Variants in PPP2R3B observed in about 807,000 individuals in gnomAD.
The protein encoded by PPP2R3B is protein phosphatase 2 regulatory subunit B''beta, also known as serine/threonine-protein phosphatase 2A regulatory subunit B'' subunit beta.
PPP2R3B carries 68 observed loss-of-function variants against 72.9 expected under a neutral mutation model. The observed-to-expected ratio is 0.93, with a 90% confidence interval of 0.77 to 1.14. The LOEUF (loss-of-function observed/expected upper bound fraction) is 1.14. Ranked by LOEUF, PPP2R3B falls within the 50% of genes most tolerant of loss-of-function variation. The pLI is 0.00. For missense variants in PPP2R3B, 1,018 were observed against 842.0 expected (o/e 1.21, Z -2.59); for synonymous variants, 466 against 375.8 (o/e 1.24, Z -2.78).
At chrX:350,225 C>T (rs2071300233) in intron 2 of PPP2R3B, among the ~76,000 whole-genome samples, 1 of 152,224 alleles carries the variant, frequency 6.6e-6, no homozygotes, top group South Asian at 2.1e-4. Flanking sequence ...GGCAAAGACA[C>T]TTCACACAAA....
At chrX:360,917 C>T (rs1346417751) in intron 2 of PPP2R3B, among the ~76,000 whole-genome samples, 5 of 152,186 alleles carry the variant, frequency 3.3e-5, no homozygotes, top group Admixed American at 1.3e-4. Flanking sequence ...TGATGCACGC[C>T]GCGCCGCAGC....
At chrX:384,404 C>T (rs1304668366) in intron 1 of PPP2R3B, among the ~76,000 whole-genome samples, 1 of 151,338 alleles carries the variant, frequency 6.6e-6, no homozygotes, top group African/African-American at 2.4e-5. Context: ...TCAAGCATTT[C>T]TCCTGCCTCA....
At chrX:359,768 A>G (rs1389039738) in intron 2 of PPP2R3B, 2 of 481,432 alleles carry the variant, frequency 4.2e-6, no homozygotes, top group East Asian at 1.1e-4. Context: ...TCATACACAT[A>G]TTTGTACATA....
intron 1 of PPP2R3B, among the ~76,000 whole-genome samples, chrX:382,183 C>T (rs2072141240): frequency 6.7e-6 from 1 of 148,274 alleles, no homozygotes; most frequent in Non-Finnish European, 1.5e-5. Flanking sequence ...CTGAACATCT[C>T]ATCTTTTTTT....
At chrX:370,687 G>A (rs957857867) in intron 1 of PPP2R3B, among the ~76,000 whole-genome samples, 2 of 152,178 alleles carry the variant, frequency 1.3e-5, no homozygotes, top group Non-Finnish European at 2.9e-5. Flanking sequence ...CCCTGCCACT[G>A]CCCAGGGAGT....
chrX:344,321 G>A (rs1245814425), intron 7 of PPP2R3B, among the ~76,000 whole-genome samples: 4 of 151,536 alleles, frequency 2.6e-5, no homozygotes, highest in South Asian at 2.1e-4. Context: ...AACGGGAGGC[G>A]GGAGGGAGAC....
chrX:384,787 C>T (rs1277583691), intron 1 of PPP2R3B, among the ~76,000 whole-genome samples: 1 of 151,736 alleles, frequency 6.6e-6, no homozygotes, highest in African/African-American at 2.4e-5. Context: ...GAGTTTGAGA[C>T]CAGTCTAGCC....
At chrX:345,276 G>A in intron 7 of PPP2R3B, 3 of 700,380 alleles carry the variant, frequency 4.3e-6, no homozygotes, top group South Asian at 1.5e-5. Flanking sequence ...GGCCCACACT[G>A]ACCCTGTAGA....
At chrX:344,234 GGAGGCCGGAGTGAGACCTCACCAAGGA>G (rs1217565351) in intron 7 of PPP2R3B, among the ~76,000 whole-genome samples, 5,441 of 111,118 alleles carry the variant, frequency 0.049, 837 homozygotes, top group South Asian at 0.071. Context: ...CTCACCAACG[GGAGGCCGGAGTGAGACCTCACCAAGGA>G]GAGGCGGGAG....
intron 3 of PPP2R3B, 74 bp from the exon 4 acceptor site, chrX:347,410 A>T: frequency 6.9e-7 from 1 of 1,440,254 alleles, no homozygotes. Flanking sequence ...AGGGTGGAAC[A>T]CGTGTGTGGT....
chrX:359,542 A>G (rs1265980812), intron 2 of PPP2R3B, among the ~76,000 whole-genome samples: 2 of 152,204 alleles, frequency 1.3e-5, no homozygotes, highest in African/African-American at 4.8e-5. Context: ...AAAGTTTCTA[A>G]TATTTCAACA....
At chrX:369,104 CAG>C (rs1291940282) in intron 1 of PPP2R3B, among the ~76,000 whole-genome samples, 1 of 152,224 alleles carries the variant, frequency 6.6e-6, no homozygotes, top group African/African-American at 2.4e-5. Context: ...CTGCAGGTCT[CAG>C]GGGGTTCTGA....
At chrX:351,012 G>A (rs988838868) in intron 2 of PPP2R3B, among the ~76,000 whole-genome samples, 3 of 151,856 alleles carry the variant, frequency 2.0e-5, no homozygotes, top group Non-Finnish European at 2.9e-5. Flanking sequence ...GAGTGACCAC[G>A]GGGGGGCGTG....
chrX:357,417 A>G (rs1391600014), intron 2 of PPP2R3B, among the ~76,000 whole-genome samples: 2 of 152,252 alleles, frequency 1.3e-5, no homozygotes, highest in African/African-American at 4.8e-5. Flanking sequence ...AAGTGTATGT[A>G]AAAAAGATGA....
At position 347,238 on chromosome X, in the gene PPP2R3B, A is replaced by G. The variant is rs770120455; in HGVS notation, c.713T>C (p.Leu238Ser). Residue 238 changes from leucine (L) to serine (S), a missense_variant, in exon 4 of 13, where the codon TTG becomes TCG. Coordinates refer to ENST00000390665, the MANE Select transcript of PPP2R3B (RefSeq NM_013239.5). Reference protein sequence around the residue: ...YLVQEDFVPFLQDVVNTHPGL... With the variant: ...YLVQEDFVPFSQDVVNTHPGL... ...GGTGTAGACGCAGGCTCTCACCTGCAAGAAGGGGACAAAGTCCTCCTGCAC... is the reference window on the plus strand; with the variant it reads ...GGTGTAGACGCAGGCTCTCACCTGCGAGAAGGGGACAAAGTCCTCCTGCAC... 1 of 1,613,444 alleles carries G rather than the reference A, an allele frequency of 6.2e-7. No homozygotes were observed. Among genetic ancestry groups the G allele is most frequent in the Non-Finnish European group, 8.5e-7 (1 of 1,179,684 alleles).
At chrX:339,274 G>GC (rs942453856) in intron 10 of PPP2R3B, among the ~76,000 whole-genome samples, 7 of 150,164 alleles carry the variant, frequency 4.7e-5, no homozygotes, top group South Asian at 2.1e-4. Flanking sequence ...CCCATGGCCG[G>GC]GGGGGGCAGG....
At chrX:381,160 C>T (rs965286517) in intron 1 of PPP2R3B, among the ~76,000 whole-genome samples, 55 of 152,046 alleles carry the variant, frequency 3.6e-4, no homozygotes, top group Non-Finnish European at 2.1e-4. Context: ...AACTCCTGGC[C>T]TCAAGGGATC....
chrX:343,768 GCAACGGGAGGGGGGGAGGGAGACCTCAC>G (rs1480694385), intron 7 of PPP2R3B, among the ~76,000 whole-genome samples: 1 of 24,928 alleles, frequency 4.0e-5, no homozygotes, highest in East Asian at 1.8e-3. Flanking sequence ...TGAGACCTCA[GCAACGGGAGGGGGGGAGGGAGACCTCAC>G]CAAGGAGACG....
intron 2 of PPP2R3B, among the ~76,000 whole-genome samples, chrX:352,538 C>T (rs752796444): frequency 2.4e-4 from 37 of 151,760 alleles, no homozygotes; most frequent in Admixed American, 2.2e-3. Flanking sequence ...GGATCGTCTG[C>T]CCACCTTGCT....
Sources: gnomAD v4.1 joint callset for allele counts (sites outside exome capture counted in the v4.1 genomes callset) on GRCh38, gnomAD v4.1.1 for gene constraint, MANE v1.5 for transcripts, NCBI Gene and HGNC (gene_info 2026-07-23, HGNC 2026-07-21) for gene names.